The following ANGPT1 variants were observed in gnomAD, a reference collection of about 807,000 sequenced individuals.
ANGPT1 encodes the protein angiopoietin-1.
ANGPT1 carries 17 observed loss-of-function variants against 62.2 expected under a neutral mutation model. That is an observed-to-expected ratio of 0.27 (90% confidence interval 0.19 to 0.41). The LOEUF (loss-of-function observed/expected upper bound fraction) is 0.41, where lower values mean the gene tolerates loss of function less well. Ranked by LOEUF, ANGPT1 falls within the 10% of genes least tolerant of loss-of-function variation. The pLI, the probability that ANGPT1 is intolerant of heterozygous loss-of-function variation, is 1.00. For missense variants in ANGPT1, 478 were observed against 594.9 expected (o/e 0.80, Z 2.04); for synonymous variants, 199 against 198.9 (o/e 1.00, Z 0.00).
At chr8:107,305,338 C>T (rs1814688618) in intron 4 of ANGPT1, among the ~76,000 whole-genome samples, 1 of 151,836 alleles carries the variant, frequency 6.6e-6, no homozygotes, top group South Asian at 2.1e-4. Context: ...GGAGAAAATG[C>T]TTCTCTTGTA....
At chr8:107,448,459 A>T (rs1205808019) in intron 1 of ANGPT1, among the ~76,000 whole-genome samples, 1 of 152,166 alleles carries the variant, frequency 6.6e-6, no homozygotes, top group Non-Finnish European at 1.5e-5. Flanking sequence ...ATGTGGTTAT[A>T]TATAAGTATC....
intron 4 of ANGPT1, among the ~76,000 whole-genome samples, chr8:107,319,992 T>A (rs1815112598): frequency 6.6e-6 from 1 of 152,124 alleles, no homozygotes; most frequent in African/African-American, 2.4e-5. Context: ...ATTTCAGAGT[T>A]TTGTCATTAA....
At position 107,299,420 on chromosome 8, in the gene ANGPT1, T is replaced by TATATATATATATAA. The variant is rs1342219214; in HGVS notation, c.936+3819_936+3820insTTATATATATATAT. Reference sequence around the variant, plus strand: ...ATATATATATATATATATATATATATAAACATACATATATATACTAAGCAT... The same window carrying TATATATATATATAA: ...ATATATATATATATATATATATATATATATATATATATAAAAACATACATATATATACTAAGCAT... On this transcript the variant is annotated intron_variant, in intron 5 of 8. Transcript: ENST00000517746. Among the ~76,000 whole-genome samples, 476 of 120,330 alleles carry TATATATATATATAA rather than the reference T, an allele frequency of 4.0e-3. 3 individuals carry two copies. Among genetic ancestry groups the TATATATATATATAA allele is most frequent in the Admixed American group, 0.012 (134 of 11,332 alleles). The allele number at this position is 120,330 out of a possible 152,430, so 78.9% of individuals were successfully genotyped here.
At chr8:107,466,776 G>T (rs952991123) in intron 1 of ANGPT1, among the ~76,000 whole-genome samples, 1 of 152,004 alleles carries the variant, frequency 6.6e-6, no homozygotes, top group Non-Finnish European at 1.5e-5. Flanking sequence ...GCTCGGTGTG[G>T]TGGCAGTCGC....
At chr8:107,451,726 A>G (rs1455644557) in intron 1 of ANGPT1, among the ~76,000 whole-genome samples, 1 of 151,968 alleles carries the variant, frequency 6.6e-6, no homozygotes, top group South Asian at 2.1e-4. Context: ...TGTGGAGGTC[A>G]TCTTACACCT....
chr8:107,277,625 T>G (rs371502866), intron 7 of ANGPT1, among the ~76,000 whole-genome samples: 79 of 152,314 alleles, frequency 5.2e-4, no homozygotes, highest in African/African-American at 1.8e-3. Flanking sequence ...TAACAAGTGA[T>G]TAAGCTTAGC....
At chr8:107,430,384 T>A (rs539870197) in intron 1 of ANGPT1, among the ~76,000 whole-genome samples, 6 of 152,328 alleles carry the variant, frequency 3.9e-5, no homozygotes, top group African/African-American at 9.6e-5. Flanking sequence ...CATTTTACTA[T>A]CACTTTTGGT....
At chr8:107,408,190 T>C (rs1420666429) in intron 1 of ANGPT1, among the ~76,000 whole-genome samples, 1 of 152,194 alleles carries the variant, frequency 6.6e-6, no homozygotes, top group Non-Finnish European at 1.5e-5. Flanking sequence ...CAATATAAAA[T>C]GTGCTTTCAG....
chr8:107,351,479 A>T (rs1471357158), intron 1 of ANGPT1, among the ~76,000 whole-genome samples: 1 of 152,040 alleles, frequency 6.6e-6, no homozygotes, highest in Non-Finnish European at 1.5e-5. Context: ...GTGTTCTGTT[A>T]TTGGACTGGT....
At chr8:107,431,452 C>T (rs1811185730) in intron 1 of ANGPT1, among the ~76,000 whole-genome samples, 1 of 152,176 alleles carries the variant, frequency 6.6e-6, no homozygotes, top group East Asian at 1.9e-4. Flanking sequence ...GCTAAAGTGA[C>T]TTCATCTTTA....
intron 1 of ANGPT1, among the ~76,000 whole-genome samples, chr8:107,395,271 GT>G (rs1483076664): frequency 1.3e-5 from 2 of 152,092 alleles, no homozygotes; most frequent in Non-Finnish European, 2.9e-5. Flanking sequence ...CATTTCTATG[GT>G]TTTTAAAACA....
intron 3 of ANGPT1, among the ~76,000 whole-genome samples, chr8:107,325,200 T>C (rs1156313464): frequency 6.6e-6 from 1 of 152,172 alleles, no homozygotes; most frequent in Non-Finnish European, 1.5e-5. Context: ...CCTACTGGGG[T>C]AGGCGTCAAA....
At chr8:107,409,013 T>C (rs1413924498) in intron 1 of ANGPT1, among the ~76,000 whole-genome samples, 2 of 152,154 alleles carry the variant, frequency 1.3e-5, no homozygotes, top group Non-Finnish European at 2.9e-5. Context: ...CTACTATCAG[T>C]AGATCCTCCT....
chr8:107,393,943 T>C (rs1816885021), intron 1 of ANGPT1, among the ~76,000 whole-genome samples: 1 of 152,150 alleles, frequency 6.6e-6, no homozygotes, highest in African/African-American at 2.4e-5. Context: ...TGAAAATATA[T>C]AGGGACTCCT....
chr8:107,487,660 A>T (rs1321627467), intron 1 of ANGPT1, among the ~76,000 whole-genome samples: 4 of 152,150 alleles, frequency 2.6e-5, no homozygotes, highest in Non-Finnish European at 5.9e-5. Flanking sequence ...GCTTCAGTGT[A>T]TTTGGGAAAA....
chr8:107,446,009 C>T (rs1489229900), intron 1 of ANGPT1, among the ~76,000 whole-genome samples: 1 of 152,072 alleles, frequency 6.6e-6, no homozygotes, highest in Non-Finnish European at 1.5e-5. Context: ...CCTCTGCCTC[C>T]CGGGGTCAAG....
At chr8:107,264,712 C>G (rs1006509372) in intron 7 of ANGPT1, among the ~76,000 whole-genome samples, 4 of 152,118 alleles carry the variant, frequency 2.6e-5, no homozygotes, top group Non-Finnish European at 5.9e-5. Flanking sequence ...TGCAGATGTA[C>G]TAAACATTAT....
intron 6 of ANGPT1, among the ~76,000 whole-genome samples, chr8:107,290,349 A>G (rs1370642813): frequency 1.3e-5 from 2 of 152,136 alleles, no homozygotes; most frequent in Admixed American, 1.3e-4. Context: ...ATCCTAGTAT[A>G]TATAATAGTA....
intron 1 of ANGPT1, among the ~76,000 whole-genome samples, chr8:107,447,779 G>A: frequency 6.6e-6 from 1 of 152,162 alleles, no homozygotes; most frequent in East Asian, 1.9e-4. Context: ...TAAGAGTGTG[G>A]AGTAATGCTA....
Sources: allele counts gnomAD v4.1 joint callset (sites outside exome capture counted in the v4.1 genomes callset), GRCh38; gene constraint gnomAD v4.1.1; transcripts MANE v1.5; gene names NCBI Gene and HGNC (gene_info 2026-07-23, HGNC 2026-07-21).